Variants in ADAMTS2 observed in about 807,000 individuals in gnomAD.
The protein encoded by ADAMTS2 is A disintegrin and metalloproteinase with thrombospondin motifs 2.
In ADAMTS2, 50 loss-of-function variants were observed where a neutral mutation model predicts 123.0. The observed-to-expected ratio is 0.41, with a 90% CI of 0.32 to 0.51. ADAMTS2 has a LOEUF of 0.51. Ranked by LOEUF, ADAMTS2 falls within the 20% of genes least tolerant of loss-of-function variation. The probability of loss-of-function intolerance (pLI) is 0.35; values close to 1 mark genes in which losing one functional copy is unlikely to be tolerated. For missense variants in ADAMTS2, 1,494 were observed against 1,705.2 expected (o/e 0.88, Z 2.18); for synonymous variants, 678 against 695.4 (o/e 0.98, Z 0.39).
intron 3 of ADAMTS2, among the ~76,000 whole-genome samples, chr5:179,269,116 G>A (rs189630030): frequency 5.9e-5 from 9 of 152,298 alleles, no homozygotes; most frequent in East Asian, 1.9e-4. Flanking sequence ...GACATGACCC[G>A]GGGGCAGAGA....
intron 2 of ADAMTS2, among the ~76,000 whole-genome samples, chr5:179,292,130 C>G (rs1378171033): frequency 6.6e-6 from 1 of 151,942 alleles, no homozygotes; most frequent in Non-Finnish European, 1.5e-5. Flanking sequence ...TGGTGGTCAT[C>G]ATTAATGAAG....
intron 5 of ADAMTS2, among the ~76,000 whole-genome samples, chr5:179,161,031 C>A (rs1477027245): frequency 6.6e-6 from 1 of 152,152 alleles, no homozygotes; most frequent in Admixed American, 6.5e-5. Flanking sequence ...GAACATACAG[C>A]GTGAGCAGGA....
intron 3 of ADAMTS2, among the ~76,000 whole-genome samples, chr5:179,239,154 A>G (rs1765601363): frequency 6.6e-6 from 1 of 152,276 alleles, no homozygotes; most frequent in Non-Finnish European, 1.5e-5. Context: ...TTGAGGACAC[A>G]TGGGGGTGGG....
chr5:179,298,118 A>G (rs1756394167), intron 2 of ADAMTS2, among the ~76,000 whole-genome samples: 1 of 152,168 alleles, frequency 6.6e-6, no homozygotes, highest in South Asian at 2.1e-4. Context: ...CCTGCAACGC[A>G]GATTCCGTGC....
intron 3 of ADAMTS2, among the ~76,000 whole-genome samples, chr5:179,233,569 C>T (rs1444965461): frequency 2.6e-5 from 4 of 152,164 alleles, no homozygotes; most frequent in Non-Finnish European, 4.4e-5. Flanking sequence ...CACCTGTAAT[C>T]CCAGCTACTC....
chr5:179,142,788 A>C (rs1427409809), intron 10 of ADAMTS2, among the ~76,000 whole-genome samples: 1 of 152,174 alleles, frequency 6.6e-6, no homozygotes, highest in Non-Finnish European at 1.5e-5. Flanking sequence ...AGCTTCATTG[A>C]AACAGCAGGA....
intron 4 of ADAMTS2, among the ~76,000 whole-genome samples, chr5:179,196,085 T>C (rs1764424908): frequency 6.6e-6 from 1 of 152,166 alleles, no homozygotes; most frequent in African/African-American, 2.4e-5. Flanking sequence ...ACCGCCACCA[T>C]GCGGTCTCAG....
At chr5:179,134,768 C>T (rs1400244034) in intron 13 of ADAMTS2, among the ~76,000 whole-genome samples, 2 of 130,124 alleles carry the variant, frequency 1.5e-5, no homozygotes, top group Non-Finnish European at 3.2e-5. Flanking sequence ...CTCCAGCTCC[C>T]GGCTCCATCC....
At chr5:179,218,627 G>A (rs939067632) in intron 3 of ADAMTS2, among the ~76,000 whole-genome samples, 7 of 152,222 alleles carry the variant, frequency 4.6e-5, no homozygotes, top group African/African-American at 1.4e-4. Flanking sequence ...TTTATGACCT[G>A]AGGTGGATCG....
At position 179,181,129 on chromosome 5, in the gene ADAMTS2, G is replaced by T; in HGVS notation, c.918C>A (p.Ser306=). The T allele has an allele frequency of 6.2e-7, 1 of 1,613,938 alleles. No homozygotes were observed. The highest frequency in any genetic ancestry group is 8.5e-7 in the Non-Finnish European group (1 of 1,179,914). ...NIVNEIYHDE[S]LGAHINVVLV... ...GGACCACGTTGATGTGGGCACCCAA[G>T]GACTCGTCATGGTAGATTTCATTGA... The change falls in exon 5 of 22, where the codon TCC becomes TCA. Residue 306 remains serine, a synonymous_variant. Transcript: ENST00000251582. The surrounding 1 kb of genome is among the most constrained non-coding windows in gnomAD (Gnocchi z 4.1).
intron 2 of ADAMTS2, among the ~76,000 whole-genome samples, chr5:179,299,393 G>A (rs1756440884): frequency 1.6e-5 from 1 of 62,386 alleles, no homozygotes; most frequent in Non-Finnish European, 3.2e-5. Context: ...GCCGGCCGTG[G>A]TGGCGGGCGC....
At chr5:179,157,528 TTTC>T (rs1190720581) in intron 6 of ADAMTS2, among the ~76,000 whole-genome samples, 1 of 151,670 alleles carries the variant, frequency 6.6e-6, no homozygotes, top group Non-Finnish European at 1.5e-5. Context: ...CTTTTTTTTT[TTTC>T]TTGTAAGACA....
chr5:179,147,537 T>G (rs1763272570), intron 10 of ADAMTS2, among the ~76,000 whole-genome samples: 2 of 152,132 alleles, frequency 1.3e-5, no homozygotes, highest in African/African-American at 4.8e-5. Context: ...AGTGACAACC[T>G]CCGGTACCGC....
At chr5:179,136,147 G>A (rs555656362) in intron 12 of ADAMTS2, 105 bp from the exon 13 acceptor site, 10 of 1,559,570 alleles carry the variant, frequency 6.4e-6, no homozygotes, top group South Asian at 5.6e-5. Context: ...GTCCCCACGT[G>A]GCCCACCCTC....
At chr5:179,319,210 ACTCATATGTGCAT>A (rs1554097820) in intron 2 of ADAMTS2, among the ~76,000 whole-genome samples, 1 of 151,924 alleles carries the variant, frequency 6.6e-6, no homozygotes, top group Non-Finnish European at 1.5e-5. Context: ...CACACACATC[ACTCATATGTGCAT>A]CTCCTGTGAC....
Position 179,208,288 on chromosome 5 carries a change from A to G in ADAMTS2, c.689-573T>C, listed in dbSNP as rs367896515. ...AACCGAGGCCCATCCTGGGCTGTGC[A>G]TGTTCCCCAGTGTCTCCTTGGGCCC... On this transcript the variant is annotated intron_variant, in intron 3 of 21. Transcript: ENST00000251582. Among the ~76,000 whole-genome samples the G allele has an allele frequency of 1.5e-4, 23 of 152,076 alleles. No individual in the cohort carries two copies. In the East Asian group the frequency reaches 4.3e-3, roughly 28 times the overall value.
chr5:179,120,607 T>C (rs1186683193), intron 21 of ADAMTS2: 1 of 151,546 alleles, frequency 6.6e-6, no homozygotes, highest in African/African-American at 2.4e-5. Context: ...GAGTGCTACA[T>C]GGATCGCGGC....
chr5:179,289,501 C>A (rs1056092505), intron 2 of ADAMTS2, among the ~76,000 whole-genome samples: 1 of 152,138 alleles, frequency 6.6e-6, no homozygotes, highest in Non-Finnish European at 1.5e-5. Context: ...TCCGTGGAGG[C>A]TACAATTAGT....
chr5:179,209,224 G>A (rs571630516), intron 3 of ADAMTS2, among the ~76,000 whole-genome samples: 2 of 152,328 alleles, frequency 1.3e-5, no homozygotes, highest in South Asian at 4.1e-4. Flanking sequence ...TTTTACAGAT[G>A]GGGAGACCCA....
Sources: gnomAD v4.1 joint callset for allele counts (sites outside exome capture counted in the v4.1 genomes callset) on GRCh38, gnomAD v4.1.1 for gene constraint, Gnocchi (gnomAD v3.1) non-coding constraint, MANE v1.5 for transcripts, NCBI Gene and HGNC (gene_info 2026-07-23, HGNC 2026-07-21) for gene names.